Variants in SPTA1 observed in about 807,000 individuals in gnomAD.
SPTA1 encodes spectrin alpha chain, erythrocytic 1.
SPTA1 carries 177 observed loss-of-function variants against 324.7 expected under a neutral mutation model. That is an observed-to-expected ratio of 0.55 (90% CI 0.48 to 0.62). The LOEUF is 0.62. Ranked by LOEUF, SPTA1 falls within the 20% of genes least tolerant of loss-of-function variation. The pLI, the probability that SPTA1 is intolerant of heterozygous loss-of-function variation, is 0.00. For synonymous variants in SPTA1, 1,195 were observed against 1,041.3 expected (o/e 1.15, Z -2.84); for missense variants, 3,162 against 2,883.6 (o/e 1.10, Z -2.21).
intron 42 of SPTA1, among the ~76,000 whole-genome samples, chr1:158,624,297 G>A (rs1650119824): frequency 6.6e-6 from 1 of 152,152 alleles, no homozygotes; most frequent in African/African-American, 2.4e-5. Flanking sequence ...ACATGGACCT[G>A]GAAAAGCTGT....
intron 20 of SPTA1, among the ~76,000 whole-genome samples, 182 bp from the exon 21 acceptor site, chr1:158,654,930 T>C (rs867612117): frequency 1.3e-5 from 2 of 152,022 alleles, no homozygotes; most frequent in African/African-American, 4.8e-5. Context: ...CTGACACTTA[T>C]CGGGGACAGG....
At chr1:158,659,967 A>G (rs1424089710) in intron 18 of SPTA1, among the ~76,000 whole-genome samples, 1 of 152,160 alleles carries the variant, frequency 6.6e-6, no homozygotes, top group Non-Finnish European at 1.5e-5. Context: ...AGAGTGTGTC[A>G]GAGACCCTAA....
chr1:158,664,464 T>A (rs1653452452), intron 16 of SPTA1, among the ~76,000 whole-genome samples: 1 of 152,104 alleles, frequency 6.6e-6, no homozygotes, highest in Non-Finnish European at 1.5e-5. Context: ...CACTCATAAG[T>A]AGGAGTTGAA....
chr1:158,682,324 G>A lies in SPTA1; in HGVS notation c.391-657C>T, dbSNP rs899542598. Among the ~76,000 whole-genome samples, 5 of 152,174 alleles carry A rather than the reference G, an allele frequency of 3.3e-5. No individual in the cohort carries two copies. In the East Asian group the frequency reaches 5.8e-4, roughly 18 times the overall value. On this transcript the variant is annotated intron_variant, in intron 3 of 51. Coordinates refer to ENST00000643759, the MANE Select transcript of SPTA1 (RefSeq NM_003126.4). ...TCTGGGTAGCATGTGGACCACATATGTCGTTAAACCCCGCAATGGTACCAT... is the reference window on the plus strand; with the variant it reads ...TCTGGGTAGCATGTGGACCACATATATCGTTAAACCCCGCAATGGTACCAT...
At position 158,626,122 on chromosome 1, in the gene SPTA1, T is replaced by C. The variant is rs373886807; in HGVS notation, c.5910+24A>G. 1.9e-6 allele frequency: 3 copies of C among 1,608,630 alleles called. No individual in the cohort carries two copies. The African/African-American group carries it at 4.0e-5, about 22-fold the overall frequency. On this transcript the variant is annotated intron_variant, in intron 42 of 51. Transcript: ENST00000643759. ...CTTCTGTGTGAATCAGGTCTTGGGCTTACCTAACATCTATCAATCTCACCT... is the reference window on the plus strand; with the variant it reads ...CTTCTGTGTGAATCAGGTCTTGGGCCTACCTAACATCTATCAATCTCACCT...
At chr1:158,620,957 C>T (rs1017834018) in intron 43 of SPTA1, among the ~76,000 whole-genome samples, 14 of 151,774 alleles carry the variant, frequency 9.2e-5, no homozygotes, top group Non-Finnish European at 1.6e-4. Context: ...CTGTAGACCA[C>T]ACCCAGCTGA....
chr1:158,642,410 C>G lies in SPTA1; in HGVS notation c.4737+1G>C, dbSNP rs1437034924. 6.2e-7 allele frequency: 1 copy of G among 1,613,114 alleles called. No homozygotes were observed. Among genetic ancestry groups the G allele is most frequent in the South Asian group, 1.1e-5 (1 of 91,044 alleles). ...AGCCCAAAACTCATCCTGAGCTTTACCTTCATGGCCTCTTCATTGCCATCA... is the reference window on the plus strand; with the variant it reads ...AGCCCAAAACTCATCCTGAGCTTTAGCTTCATGGCCTCTTCATTGCCATCA... On this transcript the variant is annotated splice_donor_variant, in intron 33 of 51. Coordinates refer to ENST00000643759, the MANE Select transcript of SPTA1 (RefSeq NM_003126.4). LOFTEE classifies it high-confidence loss of function.
intron 4 of SPTA1, 42 bp from the exon 5 acceptor site, chr1:158,680,771 G>A (rs201820277): frequency 2.5e-5 from 40 of 1,611,470 alleles, no homozygotes; most frequent in Non-Finnish European, 3.2e-5. Flanking sequence ...CAAACATTTA[G>A]GAGTTTCTGT....
At position 158,669,752 on chromosome 1, in the gene SPTA1, T is replaced by C; in HGVS notation, c.1634A>G (p.Asp545Gly). The C allele has an allele frequency of 6.2e-7, 1 of 1,614,088 alleles. No individual in the cohort carries two copies. The highest frequency in any genetic ancestry group is 8.5e-7 in the Non-Finnish European group (1 of 1,179,976). The change falls in exon 13 of 52, where the codon GAT (aspartate) becomes GGT (glycine). Residue 545 changes from aspartate (D) to glycine (G), a missense_variant. By Grantham distance (94) the Asp-to-Gly change is moderately conservative. Coordinates refer to ENST00000643759, the MANE Select transcript of SPTA1 (RefSeq NM_003126.4). ...GATGTTCTCTGAATCATAATGGTCA[T>C]CACCAATCAATTTGGTTGCAGTCTT... ...VDKTATKLIG[D>G]DHYDSENIKA...
At chr1:158,622,704 T>C (rs1472690423) in intron 43 of SPTA1, 4 of 400,422 alleles carry the variant, frequency 1.0e-5, no homozygotes, top group Non-Finnish European at 9.4e-6. Flanking sequence ...AATTCTATCA[T>C]ACACAAAGAC....
chr1:158,626,653 T>C (rs756400886), intron 41 of SPTA1, among the ~76,000 whole-genome samples, 186 bp downstream of exon 41: 4 of 148,438 alleles, frequency 2.7e-5, no homozygotes, highest in Non-Finnish European at 5.9e-5. Context: ...ACTTTGTGTG[T>C]GTGTGTTTAT....
At chr1:158,684,370 A>G (rs1655024934) in intron 2 of SPTA1, among the ~76,000 whole-genome samples, 1 of 152,116 alleles carries the variant, frequency 6.6e-6, no homozygotes, top group Non-Finnish European at 1.5e-5. Flanking sequence ...CTTCAGAAGC[A>G]TTGATGACTC....
chr1:158,623,737 A>G (rs907858345), intron 42 of SPTA1, among the ~76,000 whole-genome samples: 1 of 152,204 alleles, frequency 6.6e-6, no homozygotes, highest in Non-Finnish European at 1.5e-5. Context: ...TTCTTTATAA[A>G]TTACCCAGTC....
At chr1:158,631,986 T>A (rs1241634431) in intron 39 of SPTA1, among the ~76,000 whole-genome samples, 1 of 152,186 alleles carries the variant, frequency 6.6e-6, no homozygotes, top group African/African-American at 2.4e-5. Context: ...AATAAGATAT[T>A]AGCATCCATA....
Position 158,649,846 on chromosome 1 carries a change from T to C in SPTA1, c.3569+10A>G. 2 of 1,609,894 alleles carry C rather than the reference T, an allele frequency of 1.2e-6. No homozygotes were observed. The highest frequency in any genetic ancestry group is 1.7e-6 in the Non-Finnish European group (2 of 1,176,516). ...AAAGCAGCACTGCTTTTTAGAGTTA[T>C]AATTATTACCTGTGAAACACTTCAA... On this transcript the variant is annotated intron_variant, in intron 25 of 51. Coordinates refer to ENST00000643759, the MANE Select transcript of SPTA1 (RefSeq NM_003126.4).
intron 10 of SPTA1, among the ~76,000 whole-genome samples, chr1:158,673,924 T>A (rs1386029227): frequency 1.3e-5 from 2 of 152,212 alleles, no homozygotes; most frequent in South Asian, 2.1e-4. Context: ...AAATATTTTT[T>A]AAAAATTCCA....
intron 33 of SPTA1, 95 bp from the exon 34 acceptor site, chr1:158,640,102 A>G (rs1651430687): frequency 6.4e-7 from 1 of 1,550,676 alleles, no homozygotes; most frequent in South Asian, 1.1e-5. Flanking sequence ...TGAAGGCAGG[A>G]ACTAGCCAAA....
Position 158,647,436 on chromosome 1 carries a change from T to A in SPTA1, c.3896+103A>T, listed in dbSNP as rs1652078209. 26 of 1,432,250 alleles carry A rather than the reference T, an allele frequency of 1.8e-5. No homozygotes were observed. The South Asian group carries it at 2.9e-4, about 16-fold the overall frequency. The allele number at this position is 1,432,250 out of a possible 1,614,324, so 88.7% of individuals were successfully genotyped here. On this transcript the variant is annotated intron_variant, in intron 27 of 51. Transcript: ENST00000643759. ...CCTTGCAAGAGGTGAGACTTAAACG[T>A]AGTGATGCCCTCCAAAACCAGCAGT...
At chr1:158,647,744 T>C in intron 26 of SPTA1, 24 bp from the exon 27 acceptor site, 1 of 1,613,516 alleles carries the variant, frequency 6.2e-7, no homozygotes, top group Non-Finnish European at 8.5e-7. Context: ...ATAGCTCTGA[T>C]AATCAGCCTA....
Sources: gnomAD v4.1 joint callset for allele counts (sites outside exome capture counted in the v4.1 genomes callset) on GRCh38, gnomAD v4.1.1 for gene constraint, MANE v1.5 for transcripts, NCBI Gene and HGNC (gene_info 2026-07-23, HGNC 2026-07-21) for gene names.